KAT6A: variants seen among roughly 807,000 people sequenced by gnomAD.
The protein encoded by KAT6A is lysine acetyltransferase 6A, also known as histone acetyltransferase KAT6A.
Under a neutral mutation model 198.4 loss-of-function variants are expected in KAT6A, and 9 were observed. That is an observed-to-expected ratio of 0.05 (90% confidence interval 0.03 to 0.08). KAT6A has a LOEUF of 0.08. Ranked by LOEUF, KAT6A falls within the 10% of genes least tolerant of loss-of-function variation. The probability of loss-of-function intolerance (pLI) is 1.00; values close to 1 mark genes in which losing one functional copy is unlikely to be tolerated. For synonymous variants in KAT6A, 890 were observed against 883.0 expected (o/e 1.01, Z -0.14); for missense variants, 2,077 against 2,509.9 (o/e 0.83, Z 3.69).
chr8:41,981,546 T>A lies in KAT6A; in HGVS notation c.825+293A>T, dbSNP rs1457099756. Among the ~76,000 whole-genome samples, 10 of 152,272 alleles carry A rather than the reference T, an allele frequency of 6.6e-5. No individual in the cohort carries two copies. The East Asian group carries it at 1.5e-3, about 24-fold the overall frequency. ...TTGTAATTAATATATCAACTGACCA[T>A]CCTAAATGAATGCCTCTGTACTGCT... On this transcript the variant is annotated intron_variant, in intron 4 of 16. Coordinates refer to ENST00000265713, the MANE Select transcript of KAT6A (RefSeq NM_006766.5).
chr8:42,015,682 GAT>G (rs1182295980), intron 2 of KAT6A, among the ~76,000 whole-genome samples: 3 of 152,184 alleles, frequency 2.0e-5, no homozygotes, highest in Non-Finnish European at 4.4e-5. Flanking sequence ...TATGTTGAAG[GAT>G]ATTTTTCATT....
chr8:41,943,112 T>C (rs376431030), intron 13 of KAT6A, 112 bp from the exon 14 acceptor site: 1 of 1,368,902 alleles, frequency 7.3e-7, no homozygotes, highest in African/African-American at 1.4e-5. Flanking sequence ...GCTGCAAAGA[T>C]AGCCTGCCTG....
chr8:41,953,476 ATTTTC>A (rs1193273414), intron 9 of KAT6A, among the ~76,000 whole-genome samples: 1 of 152,052 alleles, frequency 6.6e-6, no homozygotes, highest in Non-Finnish European at 1.5e-5. Flanking sequence ...TGGCATATTT[ATTTTC>A]TTTTCTTTTG....
rs181712540 is a variant in KAT6A at position 41,932,623 on chromosome 8, G to C, written c.5597C>G (p.Ser1866Cys). 2.1e-4 allele frequency: 344 copies of C among 1,614,090 alleles called. No individual in the cohort carries two copies. The highest frequency in any genetic ancestry group is 2.7e-4 in the Non-Finnish European group (317 of 1,179,904). The change falls in exon 17 of 17, where the codon TCT becomes TGT. Residue 1866 changes from serine to cysteine, a missense_variant. Transcript: ENST00000265713. ...CAGCTGCTGCTGGTGAGCAGCCGCA[G>C]AGGGCAGTGGCGCAGACTTGGAGCG... The part of the protein sequence containing the change: ...SIRSKSAPLP[S>C]AAAHQQQLYG...
chr8:41,999,976 C>T (rs1825407164), intron 2 of KAT6A, among the ~76,000 whole-genome samples: 1 of 152,152 alleles, frequency 6.6e-6, no homozygotes, highest in African/African-American at 2.4e-5. Context: ...TGTATCTATC[C>T]TTCAAAGCTT....
chr8:42,036,733 C>A (rs1827397365), intron 2 of KAT6A, among the ~76,000 whole-genome samples: 1 of 152,166 alleles, frequency 6.6e-6, no homozygotes, highest in Non-Finnish European at 1.5e-5. Context: ...GATGGCAGGG[C>A]ACCTGTCGGA....
Position 41,933,076 on chromosome 8 carries a change from G to A in KAT6A, c.5144C>T (p.Pro1715Leu). 1 of 1,613,558 alleles carries A rather than the reference G, an allele frequency of 6.2e-7. No individual in the cohort carries two copies. The highest frequency in any genetic ancestry group is 8.5e-7 in the Non-Finnish European group (1 of 1,179,886). ...CSMNNSFTPAPMIMEIPESGS... is the reference protein window; with the variant it reads ...CSMNNSFTPALMIMEIPESGS... ...AGATTCTGGTATCTCCATGATCATA[G>A]GAGCTGGGGTGAAACTGTTATTCAT... The change falls in exon 17 of 17, where the codon CCT becomes CTT. Residue 1715 changes from proline (P) to leucine (L), a missense_variant. Pro to Leu is a moderately conservative substitution (Grantham distance 98). This residue lies in a region of KAT6A where 500 missense variants were observed against 577.2 expected (regional missense o/e 0.87). Transcript: ENST00000265713. This position sits in a 1 kb window ranked among gnomAD's most constrained non-coding sequence, Gnocchi z 6.2.
intron 2 of KAT6A, among the ~76,000 whole-genome samples, chr8:42,047,533 G>A (rs890741989): frequency 6.6e-6 from 1 of 152,046 alleles, no homozygotes; most frequent in Non-Finnish European, 1.5e-5. Flanking sequence ...CCCCGACACA[G>A]CCTCCCAAGT....
intron 6 of KAT6A, 61 bp downstream of exon 6, chr8:41,978,581 C>A: frequency 6.5e-7 from 1 of 1,532,728 alleles, no homozygotes; most frequent in South Asian, 1.2e-5. Context: ...ACAAGTGAAT[C>A]CTACACTATA....
intron 2 of KAT6A, among the ~76,000 whole-genome samples, chr8:42,011,072 C>T (rs1240546235): frequency 1.3e-5 from 2 of 152,170 alleles, no homozygotes. Flanking sequence ...CCTATCATTC[C>T]TTACAGTTTG....
chr8:41,981,288 A>G (rs1428145750), intron 4 of KAT6A, among the ~76,000 whole-genome samples: 1 of 152,244 alleles, frequency 6.6e-6, no homozygotes, highest in Non-Finnish European at 1.5e-5. Flanking sequence ...ACTGCACTCC[A>G]GCCTGGGCGA....
intron 8 of KAT6A, among the ~76,000 whole-genome samples, chr8:41,969,232 T>G (rs1466227030): frequency 6.6e-6 from 1 of 152,206 alleles, no homozygotes; most frequent in African/African-American, 2.4e-5. Context: ...ACCTGCAAAA[T>G]TTTTGAAACA....
intron 2 of KAT6A, among the ~76,000 whole-genome samples, chr8:42,018,422 G>A (rs1826370376): frequency 6.6e-6 from 1 of 152,194 alleles, no homozygotes. Flanking sequence ...TGAAGTAGGA[G>A]AATCGCTTGA....
In KAT6A at chr8:41,967,072, T is replaced by C. The variant is rs557999036; in HGVS notation, c.1482+7632A>G. Among the ~76,000 whole-genome samples, 21 of 152,156 alleles carry C rather than the reference T, an allele frequency of 1.4e-4. No homozygotes were observed. The Middle Eastern group carries it at 0.021, about 149-fold the overall frequency. On this transcript the variant is annotated intron_variant, in intron 8 of 16. Coordinates refer to ENST00000265713, the MANE Select transcript of KAT6A (RefSeq NM_006766.5). ...AAGAAATTTTAATAACCCGCACAGATTTCAAAAATGCTCTGTAACTTTCCA... is the reference window on the plus strand; with the variant it reads ...AAGAAATTTTAATAACCCGCACAGACTTCAAAAATGCTCTGTAACTTTCCA...
intron 2 of KAT6A, among the ~76,000 whole-genome samples, chr8:42,008,360 C>T (rs1215009080): frequency 1.3e-5 from 2 of 152,032 alleles, no homozygotes; most frequent in Non-Finnish European, 2.9e-5. Context: ...TTTTTTGAGA[C>T]AGGGTCTCAC....
chr8:41,998,726 G>A (rs1386120943), intron 2 of KAT6A, among the ~76,000 whole-genome samples: 1 of 151,884 alleles, frequency 6.6e-6, no homozygotes, highest in African/African-American at 2.4e-5. Context: ...TATCTGGGTG[G>A]ACTTTAATCT....
intron 2 of KAT6A, among the ~76,000 whole-genome samples, chr8:41,998,288 C>A (rs993409235): frequency 6.6e-6 from 1 of 152,068 alleles, no homozygotes; most frequent in Non-Finnish European, 1.5e-5. Context: ...CTGCAAAATT[C>A]GTTATTTCCA....
At chr8:41,969,132 T>C (rs1380084440) in intron 8 of KAT6A, among the ~76,000 whole-genome samples, 2 of 152,208 alleles carry the variant, frequency 1.3e-5, no homozygotes, top group East Asian at 1.9e-4. Flanking sequence ...AACAATGTGT[T>C]ATTAGTTGGA....
intron 1 of KAT6A, 143 bp from the exon 2 acceptor site, chr8:42,049,445 A>G (rs929562595): frequency 4.4e-5 from 8 of 183,478 alleles, no homozygotes; most frequent in African/African-American, 1.6e-4. Context: ...AATATTCCAA[A>G]ACAATCATGT....
Sources: allele counts gnomAD v4.1 joint callset (sites outside exome capture counted in the v4.1 genomes callset), GRCh38; gene constraint gnomAD v4.1.1; regional missense constraint gnomAD v4.1.1; non-coding constraint Gnocchi (gnomAD v3.1); transcripts MANE v1.5; gene names NCBI Gene and HGNC (gene_info 2026-07-23, HGNC 2026-07-21).